PIEZO2: variants seen among roughly 807,000 people sequenced by gnomAD.
PIEZO2 encodes the protein piezo type mechanosensitive ion channel component 2.
Under a neutral mutation model 337.3 loss-of-function variants are expected in PIEZO2, and 172 were observed. The ratio of observed to expected loss-of-function variants is 0.51; its 90% confidence interval spans 0.45 to 0.58. PIEZO2 has a LOEUF of 0.58. PIEZO2 is among the 20% of genes least tolerant of loss of function. The probability of loss-of-function intolerance (pLI) is 0.00; values close to 1 mark genes in which losing one functional copy is unlikely to be tolerated. For synonymous variants in PIEZO2, 1,251 were observed against 1,228.5 expected (o/e 1.02, Z -0.38); for missense variants, 3,028 against 3,391.3 (o/e 0.89, Z 2.66).
intron 1 of PIEZO2, among the ~76,000 whole-genome samples, chr18:11,093,974 G>GT (rs113407346): frequency 0.24 from 35,589 of 148,760 alleles, 5,049 homozygotes; most frequent in African/African-American, 0.4. Flanking sequence ...ATTTGTTGGG[G>GT]TTTTTTTTTC....
chr18:11,076,542 A>C (rs2038552017), intron 1 of PIEZO2, among the ~76,000 whole-genome samples: 1 of 148,748 alleles, frequency 6.7e-6, no homozygotes, highest in Non-Finnish European at 1.5e-5. Flanking sequence ...ATGATTACTA[A>C]GATCTTAGTT....
chr18:10,890,179 C>T (rs2042715313), intron 4 of PIEZO2, among the ~76,000 whole-genome samples: 1 of 152,188 alleles, frequency 6.6e-6, no homozygotes, highest in South Asian at 2.1e-4. Flanking sequence ...ACAGCCCATA[C>T]AGGGGAAGCC....
chr18:10,906,857 G>A lies in PIEZO2; in HGVS notation c.329+4329C>T, dbSNP rs576381378. On this transcript the variant is annotated intron_variant, in intron 4 of 55. Transcript: ENST00000674853. ...ATTACAGGAGTGAGCCACCACGCCC[G>A]GCCCAAGAACTTTCTTATATCCTGT... 3.3e-5 allele frequency among the ~76,000 whole-genome samples: 5 copies of A among 152,072 alleles called. No homozygotes were observed. The South Asian group carries it at 6.2e-4, about 19-fold the overall frequency.
At chr18:10,842,381 T>A (rs1412324960) in intron 7 of PIEZO2, among the ~76,000 whole-genome samples, 2 of 152,168 alleles carry the variant, frequency 1.3e-5, no homozygotes, top group African/African-American at 4.8e-5. Flanking sequence ...CGGGAGCAGA[T>A]CACTCATGAA....
chr18:11,037,613 T>C (rs1419825748), intron 2 of PIEZO2, among the ~76,000 whole-genome samples: 1 of 152,150 alleles, frequency 6.6e-6, no homozygotes, highest in Non-Finnish European at 1.5e-5. Flanking sequence ...GAGAGGGAAC[T>C]TCATAAAAGA....
At chr18:11,000,715 A>G (rs556005704) in intron 2 of PIEZO2, among the ~76,000 whole-genome samples, 4 of 152,316 alleles carry the variant, frequency 2.6e-5, no homozygotes, top group Non-Finnish European at 4.4e-5. Flanking sequence ...TGTCTGTCCT[A>G]GGCTGGCTTA....
At chr18:10,718,139 C>T (rs1158440255) in intron 37 of PIEZO2, 61 bp downstream of exon 37, 34 of 1,386,588 alleles carry the variant, frequency 2.5e-5, no homozygotes, top group Non-Finnish European at 3.2e-5. Flanking sequence ...CCATTATATA[C>T]GATCTGGGCA....
chr18:11,073,029 G>T (rs2038402458), intron 1 of PIEZO2, among the ~76,000 whole-genome samples: 2 of 152,180 alleles, frequency 1.3e-5, no homozygotes, highest in African/African-American at 2.4e-5. Context: ...TGCTATGTAA[G>T]GCTTTATATT....
At chr18:10,939,580 T>C (rs1810004018) in intron 3 of PIEZO2, among the ~76,000 whole-genome samples, 1 of 152,194 alleles carries the variant, frequency 6.6e-6, no homozygotes, top group African/African-American at 2.4e-5. Context: ...TGGTATACTA[T>C]GCAGCCATAA....
rs1169895373 is a variant in PIEZO2, at chr18:10,684,182, T to G, written c.7498-1890A>C. On this transcript the variant is annotated intron_variant, in intron 49 of 55. Transcript: ENST00000674853. ...TTTTTTTTTTTTTTTTTTTTTTTTT[T>G]TGAGACGGAGTCTTGCTCTGTCGCC... 6.3e-5 allele frequency among the ~76,000 whole-genome samples: 4 copies of G among 63,740 alleles called. No individual in the cohort carries two copies. The East Asian group carries it at 2.1e-3, about 34-fold the overall frequency. 41.8% of individuals were successfully genotyped at this position (63,740 alleles called of 152,430 possible).
At chr18:11,091,192 TG>T (rs2146039907) in intron 1 of PIEZO2, among the ~76,000 whole-genome samples, 1 of 152,032 alleles carries the variant, frequency 6.6e-6, no homozygotes, top group Non-Finnish European at 1.5e-5. Flanking sequence ...AAGAACAGCC[TG>T]GCCAGCATGA....
chr18:10,687,784 T>C (rs1219327513), intron 49 of PIEZO2, among the ~76,000 whole-genome samples: 1 of 152,042 alleles, frequency 6.6e-6, no homozygotes, highest in Non-Finnish European at 1.5e-5. Context: ...GATGAGCGAA[T>C]ACATGGAGAG....
chr18:10,757,151 G>A (rs1394186302), intron 27 of PIEZO2, among the ~76,000 whole-genome samples: 3 of 150,452 alleles, frequency 2.0e-5, no homozygotes, highest in South Asian at 2.1e-4. Flanking sequence ...TTGAGGGATG[G>A]AGAATATGGA....
Position 10,726,774 on chromosome 18 carries a change from G to A in PIEZO2, c.5029+4633C>T. On this transcript the variant is annotated intron_variant, in intron 36 of 55. Transcript: ENST00000674853. This position sits in a 1 kb window ranked among gnomAD's most constrained non-coding sequence, Gnocchi z 5.9. ...TCCCGCTGCTGACCTCACTGGGCAA[G>A]GTGTCCTATGAGGATGTGGACCACC... 3.3e-6 allele frequency: 5 copies of A among 1,536,392 alleles called. No individual in the cohort carries two copies. Among genetic ancestry groups the A allele is most frequent in the Non-Finnish European group, 4.5e-6 (5 of 1,114,554 alleles).
intron 2 of PIEZO2, among the ~76,000 whole-genome samples, chr18:11,034,070 A>G (rs960416312): frequency 3.9e-5 from 6 of 152,164 alleles, no homozygotes; most frequent in South Asian, 2.1e-4. Flanking sequence ...TTCTCACCCA[A>G]TGCTGTGTGT....
At position 10,795,997 on chromosome 18, in the gene PIEZO2, C is replaced by G. The variant is rs1212255654; in HGVS notation, c.1528-995G>C. Among the ~76,000 whole-genome samples, 1 of 151,984 alleles carries G rather than the reference C, an allele frequency of 6.6e-6. No homozygotes were observed. The highest frequency in any genetic ancestry group is 1.5e-5 in the Non-Finnish European group (1 of 68,012). Reference sequence around the variant, plus strand: ...ATGTTGCAGATGGTGAGTAGAAACACACATAAACTGAGAGCTCACAATTGG... The same window carrying G: ...ATGTTGCAGATGGTGAGTAGAAACAGACATAAACTGAGAGCTCACAATTGG... On this transcript the variant is annotated intron_variant, in intron 12 of 55. Transcript: ENST00000674853. This position sits in a 1 kb window ranked among gnomAD's most constrained non-coding sequence, Gnocchi z 4.4.
chr18:10,683,546 G>A (rs1264266116), intron 49 of PIEZO2, among the ~76,000 whole-genome samples: 1 of 152,326 alleles, frequency 6.6e-6, no homozygotes, highest in East Asian at 1.9e-4. Flanking sequence ...ATGGATAGCA[G>A]TAGCAGTGTA....
chr18:10,820,072 G>A (rs940129707), intron 7 of PIEZO2, among the ~76,000 whole-genome samples: 5 of 152,028 alleles, frequency 3.3e-5, no homozygotes, highest in African/African-American at 1.2e-4. Context: ...TGCACATAAT[G>A]TGTCTTTTTA....
intron 21 of PIEZO2, among the ~76,000 whole-genome samples, chr18:10,763,635 A>T (rs911975854): frequency 6.6e-6 from 1 of 152,188 alleles, no homozygotes; most frequent in Admixed American, 6.5e-5. Flanking sequence ...GTTTTGATGG[A>T]TCCTTTTTAC....
Sources: gnomAD v4.1 joint callset for allele counts (sites outside exome capture counted in the v4.1 genomes callset) on GRCh38, gnomAD v4.1.1 for gene constraint, Gnocchi (gnomAD v3.1) non-coding constraint, MANE v1.5 for transcripts, NCBI Gene and HGNC (gene_info 2026-07-23, HGNC 2026-07-21) for gene names.